ELAVL2: variants seen among roughly 807,000 people sequenced by gnomAD.
ELAVL2 encodes the protein ELAV like RNA binding protein 2.
Under a neutral mutation model 34.6 loss-of-function variants are expected in ELAVL2, and 4 were observed. The ratio of observed to expected loss-of-function variants is 0.12; its 90% CI spans 0.06 to 0.26. The LOEUF is 0.26. Among genes scored for constraint, ELAVL2 ranks in the 10% least tolerant of loss-of-function variants. The pLI, the probability that ELAVL2 is intolerant of heterozygous loss-of-function variation, is 1.00. For synonymous variants in ELAVL2, 193 were observed against 154.8 expected (o/e 1.25, Z -1.83); for missense variants, 432 against 442.8 (o/e 0.98, Z 0.22).
chr9:23,696,708 G>A (rs1418519662), intron 5 of ELAVL2, among the ~76,000 whole-genome samples: 1 of 151,994 alleles, frequency 6.6e-6, no homozygotes, highest in African/African-American at 2.4e-5. Flanking sequence ...CTGACCTCGT[G>A]ATCCACCCGC....
chr9:23,769,992 A>C (rs2057011325), intron 1 of ELAVL2, among the ~76,000 whole-genome samples: 1 of 152,186 alleles, frequency 6.6e-6, no homozygotes, highest in African/African-American at 2.4e-5. Flanking sequence ...GCAATGGGAA[A>C]GTAAAGATCT....
At chr9:23,705,293 G>C (rs1218985064) in intron 3 of ELAVL2, among the ~76,000 whole-genome samples, 1 of 152,140 alleles carries the variant, frequency 6.6e-6, no homozygotes, top group Non-Finnish European at 1.5e-5. Context: ...AAGAGTATCT[G>C]TAATATGCTG....
chr9:23,699,416 GA>G (rs927069450), intron 5 of ELAVL2, among the ~76,000 whole-genome samples: 18 of 150,496 alleles, frequency 1.2e-4, no homozygotes, highest in African/African-American at 3.4e-4. Flanking sequence ...CTTCAATCTG[GA>G]AAAAAAAAGT....
chr9:23,702,814 T>G (rs2037756629), intron 4 of ELAVL2, among the ~76,000 whole-genome samples: 1 of 151,560 alleles, frequency 6.6e-6, no homozygotes, highest in Admixed American at 6.6e-5. Context: ...GTAAATTGAG[T>G]AAGTTCACTT....
chr9:23,849,732 G>A, the ELAVL2 span: 1 of 152,142 alleles, frequency 6.6e-6, no homozygotes, highest in Non-Finnish European at 1.5e-5. Flanking sequence ...ACTGACCATA[G>A]TAGAGAGAAA....
the ELAVL2 span, chr9:23,832,267 A>C: frequency 6.6e-6 from 1 of 152,174 alleles, no homozygotes; most frequent in Non-Finnish European, 1.5e-5. Flanking sequence ...CTACATAGCT[A>C]CTTACAGGAA....
chr9:23,789,625 T>C (rs1158205633), intron 1 of ELAVL2, among the ~76,000 whole-genome samples: 1 of 152,174 alleles, frequency 6.6e-6, no homozygotes, highest in Non-Finnish European at 1.5e-5. Context: ...TTAAGATGAT[T>C]TCCACGCACT....
At chr9:23,809,792 T>C (rs980427541) in intron 1 of ELAVL2, among the ~76,000 whole-genome samples, 3 of 152,172 alleles carry the variant, frequency 2.0e-5, no homozygotes, top group African/African-American at 7.2e-5. Context: ...TCATTTTGAA[T>C]CTGTAATTCT....
intron 1 of ELAVL2, among the ~76,000 whole-genome samples, chr9:23,825,356 C>A (rs992245306): frequency 1.1e-4 from 16 of 152,144 alleles, no homozygotes; most frequent in Non-Finnish European, 2.4e-4. Flanking sequence ...TGCAATTAAG[C>A]CTGTGGTTTT....
chr9:23,788,163 A>G (rs1332932501), intron 1 of ELAVL2, among the ~76,000 whole-genome samples: 2 of 152,226 alleles, frequency 1.3e-5, no homozygotes, highest in African/African-American at 4.8e-5. Context: ...GGAAAAAATA[A>G]CAGTTGACTA....
the ELAVL2 span, among the ~76,000 whole-genome samples, chr9:23,840,277 GATTCTCACACATGGCTGTGCAACAC>G: frequency 2.6e-5 from 4 of 152,310 alleles, no homozygotes; most frequent in East Asian, 7.7e-4. Context: ...AAAGCCCAGT[GATTCTCACACATGGCTGTGCAACAC>G]AATCTACCTG....
intron 5 of ELAVL2, among the ~76,000 whole-genome samples, chr9:23,696,300 G>A (rs78634732): frequency 0.023 from 3,430 of 152,056 alleles, 140 homozygotes; most frequent in African/African-American, 0.079. Flanking sequence ...AAAAGGCAAC[G>A]GGTGCTCTAC....
chr9:23,765,150 A>G, intron 1 of ELAVL2: 1 of 1,510,280 alleles, frequency 6.6e-7, no homozygotes, highest in Non-Finnish European at 9.0e-7. Flanking sequence ...AAGATAATGC[A>G]ACAAATCAGT....
chr9:23,724,035 C>G (rs2044434445), intron 3 of ELAVL2, among the ~76,000 whole-genome samples: 1 of 152,186 alleles, frequency 6.6e-6, no homozygotes, highest in African/African-American at 2.4e-5. Context: ...ATTCTCCATG[C>G]TGGTTACAGA....
chr9:23,744,384 C>T (rs1449968352), intron 2 of ELAVL2, among the ~76,000 whole-genome samples: 2 of 152,296 alleles, frequency 1.3e-5, no homozygotes, highest in East Asian at 3.9e-4. Flanking sequence ...ATTCAATAGC[C>T]TATGCTGTCA....
intron 2 of ELAVL2, among the ~76,000 whole-genome samples, chr9:23,748,924 T>C (rs1328773011): frequency 2.6e-5 from 4 of 152,030 alleles, no homozygotes; most frequent in Non-Finnish European, 5.9e-5. Flanking sequence ...GTACCGAGAA[T>C]AGGCAAATTC....
intron 1 of ELAVL2, among the ~76,000 whole-genome samples, chr9:23,822,290 T>A (rs1248152778): frequency 6.6e-6 from 1 of 152,022 alleles, no homozygotes; most frequent in Non-Finnish European, 1.5e-5. Context: ...GGACAGAAAA[T>A]AAAGGCTTAG....
At chr9:23,730,843 T>C (rs779753157) in intron 3 of ELAVL2, among the ~76,000 whole-genome samples, 179 bp downstream of exon 3, 2 of 152,116 alleles carry the variant, frequency 1.3e-5, no homozygotes, top group Non-Finnish European at 2.9e-5. Context: ...TGAATGATTA[T>C]ACATAGCACT....
intron 1 of ELAVL2, among the ~76,000 whole-genome samples, chr9:23,765,815 A>C (rs2056123133): frequency 6.6e-6 from 1 of 152,166 alleles, no homozygotes; most frequent in Admixed American, 6.6e-5. Context: ...TTGTCCCTGA[A>C]CGAAATCAAG....
Sources: gnomAD v4.1 joint callset for allele counts (sites outside exome capture counted in the v4.1 genomes callset) on GRCh38, gnomAD v4.1.1 for gene constraint, MANE v1.5 for transcripts, NCBI Gene and HGNC (gene_info 2026-07-23, HGNC 2026-07-21) for gene names.